The following RBM17 variants were observed in gnomAD, a reference collection of about 807,000 sequenced individuals.
RBM17 encodes the protein splicing factor 45.
In RBM17, 7 loss-of-function variants were observed where a neutral mutation model predicts 53.2. The ratio of observed to expected loss-of-function variants is 0.13; its 90% CI spans 0.07 to 0.25. RBM17 has a LOEUF of 0.25. Among genes scored for constraint, RBM17 ranks in the 10% least tolerant of loss-of-function variants. The probability of loss-of-function intolerance (pLI) is 1.00; values close to 1 mark genes in which losing one functional copy is unlikely to be tolerated. For synonymous variants in RBM17, 167 were observed against 178.1 expected (o/e 0.94, Z 0.50); for missense variants, 257 against 496.7 (o/e 0.52, Z 4.59).
intron 6 of RBM17, among the ~76,000 whole-genome samples, chr10:6,109,673 C>G (rs1047945854): frequency 2.6e-5 from 4 of 152,142 alleles, no homozygotes; most frequent in African/African-American, 9.7e-5. Context: ...TTAGAACATA[C>G]AGAACATCTT....
chr10:6,114,899 C>CATTCCA (rs1840892713), intron 10 of RBM17: 1 of 238,424 alleles, frequency 4.2e-6, no homozygotes. Context: ...GGGCACCAGC[C>CATTCCA]TTTTTAATCT....
chr10:6,098,352 T>C (rs1337504373), intron 2 of RBM17, among the ~76,000 whole-genome samples: 1 of 152,006 alleles, frequency 6.6e-6, no homozygotes, highest in African/African-American at 2.4e-5. Context: ...AAAAGTACTT[T>C]AGAGATGTGT....
chr10:6,109,211 T>G (rs1468094446), intron 6 of RBM17, among the ~76,000 whole-genome samples: 2 of 152,168 alleles, frequency 1.3e-5, no homozygotes, highest in East Asian at 3.8e-4. Flanking sequence ...CACCCACTGT[T>G]CCTTCTCGCA....
At chr10:6,111,839 A>G (rs1840843095) in intron 7 of RBM17, among the ~76,000 whole-genome samples, 1 of 152,138 alleles carries the variant, frequency 6.6e-6, no homozygotes, top group Non-Finnish European at 1.5e-5. Flanking sequence ...ACGAAACTTC[A>G]TACTTACTTT....
chr10:6,116,208 T>C lies in RBM17; in HGVS notation c.*652T>C, dbSNP rs1840914038. 6.6e-6 allele frequency: 1 copy of C among 152,392 alleles called. No individual in the cohort carries two copies. Among genetic ancestry groups the C allele is most frequent in the Non-Finnish European group, 1.5e-5 (1 of 68,054 alleles). 9.4% of individuals were successfully genotyped at this position (152,392 alleles called of 1,614,324 possible). A position where few individuals can be genotyped will look rare whatever the true frequency, so the allele number is the denominator to read the frequency against. ...GATGGATTTATGGAGTATGTGGGTA[T>C]AGAAATCATGAATCTAGCATTTGTT... On this transcript the variant is annotated 3_prime_UTR_variant, in exon 12 of 12. Transcript: ENST00000379888.
chr10:6,104,802 C>T, intron 3 of RBM17, 129 bp from the exon 4 acceptor site: 2 of 747,732 alleles, frequency 2.7e-6, no homozygotes, highest in Non-Finnish European at 4.3e-6. Context: ...TTTTCTTTGT[C>T]TTTAAAACAG....
intron 5 of RBM17, among the ~76,000 whole-genome samples, chr10:6,107,690 C>G (rs1046706707): frequency 3.9e-5 from 6 of 151,914 alleles, no homozygotes; most frequent in Admixed American, 1.3e-4. Flanking sequence ...CCATGTTGAT[C>G]AGGCTGGTCT....
At chr10:6,102,103 A>G (rs1470230177) in intron 3 of RBM17, among the ~76,000 whole-genome samples, 1 of 152,260 alleles carries the variant, frequency 6.6e-6, no homozygotes, top group East Asian at 1.9e-4. Context: ...TATACCCACA[A>G]TTTAAGTATA....
intron 1 of RBM17, among the ~76,000 whole-genome samples, chr10:6,090,416 G>T (rs1840465135): frequency 6.6e-6 from 1 of 152,146 alleles, no homozygotes; most frequent in African/African-American, 2.4e-5. Flanking sequence ...TAAACGAGAG[G>T]GCTTTATTTT....
At chr10:6,098,555 G>GGGTT (rs1564566173) in intron 2 of RBM17, among the ~76,000 whole-genome samples, 1 of 70,080 alleles carries the variant, frequency 1.4e-5, no homozygotes, top group Admixed American at 1.4e-4. Flanking sequence ...GTAATACACA[G>GGGTT]GTTTTTTGTT....
intron 3 of RBM17, among the ~76,000 whole-genome samples, chr10:6,101,852 T>C (rs1425410515): frequency 6.6e-6 from 1 of 152,216 alleles, no homozygotes; most frequent in Non-Finnish European, 1.5e-5. Context: ...TTTGCTATCA[T>C]AAACAGTGTT....
chr10:6,096,939 C>T, intron 1 of RBM17, 109 bp from the exon 2 acceptor site: 1 of 939,804 alleles, frequency 1.1e-6, no homozygotes, highest in South Asian at 1.7e-5. Flanking sequence ...GCCTCTGTTG[C>T]TGAAAGGTCC....
In RBM17 at chr10:6,113,776, T is replaced by C; in HGVS notation, c.930+195T>C. 3 of 590,484 alleles carry C rather than the reference T, an allele frequency of 5.1e-6. No homozygotes were observed. In the East Asian group the frequency reaches 8.3e-5, roughly 16 times the overall value. 36.6% of individuals were successfully genotyped at this position (590,484 alleles called of 1,614,324 possible). ...CTTTGCTAAGTACAGTGTTTAAGAC[T>C]GCAGTGAGTAATTAAATATTTGAAA... On this transcript the variant is annotated intron_variant, in intron 9 of 11. Coordinates refer to ENST00000379888, the MANE Select transcript of RBM17 (RefSeq NM_032905.5).
chr10:6,106,079 C>T, intron 4 of RBM17, 62 bp from the exon 5 acceptor site: 1 of 1,161,760 alleles, frequency 8.6e-7, no homozygotes, highest in East Asian at 2.4e-5. Context: ...GGAAGTCATC[C>T]CAGGTTCAGG....
intron 3 of RBM17, among the ~76,000 whole-genome samples, chr10:6,103,222 G>A (rs756784688): frequency 6.6e-6 from 1 of 152,150 alleles, no homozygotes; most frequent in Non-Finnish European, 1.5e-5. Context: ...TCCCAGCAGT[G>A]CACAGTATCA....
intron 1 of RBM17, among the ~76,000 whole-genome samples, chr10:6,095,798 C>G (rs749119781): frequency 1.2e-4 from 18 of 152,174 alleles, no homozygotes; most frequent in Non-Finnish European, 1.8e-4. Flanking sequence ...CCACTCCACA[C>G]AGTGTGGTAC....
At chr10:6,111,934 G>T (rs1840844661) in intron 7 of RBM17, among the ~76,000 whole-genome samples, 1 of 152,172 alleles carries the variant, frequency 6.6e-6, no homozygotes, top group African/African-American at 2.4e-5. Flanking sequence ...GTGTTTCCTA[G>T]CAGGGCACTG....
chr10:6,091,585 G>C (rs1371541606), intron 1 of RBM17, among the ~76,000 whole-genome samples: 1 of 152,130 alleles, frequency 6.6e-6, no homozygotes, highest in Non-Finnish European at 1.5e-5. Context: ...TTAAAAAGCA[G>C]ATCTGCAGAT....
intron 1 of RBM17, among the ~76,000 whole-genome samples, chr10:6,093,510 C>T (rs1337326628): frequency 1.3e-5 from 2 of 152,198 alleles, no homozygotes; most frequent in African/African-American, 2.4e-5. Flanking sequence ...TGAGCCACCG[C>T]AGCCGGCCCA....
Sources: gnomAD v4.1 joint callset for allele counts (sites outside exome capture counted in the v4.1 genomes callset) on GRCh38, gnomAD v4.1.1 for gene constraint, MANE v1.5 for transcripts, NCBI Gene and HGNC (gene_info 2026-07-23, HGNC 2026-07-21) for gene names.